ZNF385D: variants seen among roughly 807,000 people sequenced by gnomAD.
ZNF385D encodes zinc finger protein 659.
In ZNF385D, 15 loss-of-function variants were observed where a neutral mutation model predicts 35.8. That is an observed-to-expected ratio of 0.42 (90% CI 0.28 to 0.64). The LOEUF (loss-of-function observed/expected upper bound fraction) is 0.64, where lower values mean the gene tolerates loss of function less well. Among genes scored for constraint, ZNF385D ranks in the 30% least tolerant of loss-of-function variants. The pLI, the probability that ZNF385D is intolerant of heterozygous loss-of-function variation, is 0.23. For synonymous variants in ZNF385D, 212 were observed against 186.8 expected (o/e 1.13, Z -1.10); for missense variants, 474 against 494.6 (o/e 0.96, Z 0.39).
At chr3:21,991,394 T>A (rs2125395811) in intron 3 of ZNF385D, among the ~76,000 whole-genome samples, 1 of 152,350 alleles carries the variant, frequency 6.6e-6, no homozygotes, top group East Asian at 1.9e-4. Flanking sequence ...GCCGTGAATT[T>A]TCTAAGTATA....
intron 3 of ZNF385D, among the ~76,000 whole-genome samples, chr3:21,949,879 C>T (rs1274866900): frequency 6.6e-6 from 1 of 152,114 alleles, no homozygotes; most frequent in African/African-American, 2.4e-5. Context: ...CTGCAAAAGA[C>T]ATGAACTCAT....
intron 1 of ZNF385D, among the ~76,000 whole-genome samples, chr3:21,703,750 G>A (rs1465879703): frequency 6.6e-6 from 1 of 151,606 alleles, no homozygotes; most frequent in Non-Finnish European, 1.5e-5. Flanking sequence ...CCATTATGCT[G>A]GTGAGTTGGC....
chr3:22,120,390 G>T (rs1002834664), intron 3 of ZNF385D, among the ~76,000 whole-genome samples: 6 of 152,000 alleles, frequency 3.9e-5, no homozygotes, highest in Non-Finnish European at 5.9e-5. Context: ...CTTCTTATGA[G>T]GACACCAGTC....
chr3:21,436,246 G>A (rs2125231463), intron 5 of ZNF385D, among the ~76,000 whole-genome samples: 1 of 152,188 alleles, frequency 6.6e-6, no homozygotes, highest in South Asian at 2.1e-4. Flanking sequence ...TATATTGGGA[G>A]AGCATTTTAT....
At chr3:21,667,579 T>C (rs1307835312) in intron 1 of ZNF385D, among the ~76,000 whole-genome samples, 3 of 152,234 alleles carry the variant, frequency 2.0e-5, no homozygotes, top group Non-Finnish European at 2.9e-5. Context: ...TAACATCATG[T>C]AGAGAAAAAG....
intron 1 of ZNF385D, among the ~76,000 whole-genome samples, chr3:21,688,137 C>T (rs1048313778): frequency 6.6e-6 from 1 of 152,042 alleles, no homozygotes; most frequent in Non-Finnish European, 1.5e-5. Flanking sequence ...GGTGCCTCTA[C>T]TGCTTTCTTT....
intron 2 of ZNF385D, among the ~76,000 whole-genome samples, chr3:22,189,032 A>G (rs1001216429): frequency 2.1e-5 from 3 of 144,448 alleles, no homozygotes; most frequent in Middle Eastern, 7.0e-3. Flanking sequence ...TAGCAGAAAA[A>G]CCAGCATTTT....
chr3:21,514,765 A>G (rs1707451908), intron 3 of ZNF385D, among the ~76,000 whole-genome samples: 1 of 152,046 alleles, frequency 6.6e-6, no homozygotes, highest in South Asian at 2.1e-4. Context: ...TCCTGGTTCT[A>G]GAGGCTGTCA....
In ZNF385D at chr3:21,465,911, C is replaced by T. The variant is rs1274751639; in HGVS notation, c.440-28708G>A. The stretch of plus-strand genomic sequence containing the variant: ...CAGGATACAGGAGCTGCCGTGAGCA[C>T]AAATAGAGATGCTCTTCTGCTGCAT... On this transcript the variant is annotated intron_variant, in intron 4 of 7. Coordinates refer to ENST00000281523, the MANE Select transcript of ZNF385D (RefSeq NM_024697.3). This position sits in a 1 kb window ranked among gnomAD's most constrained non-coding sequence, Gnocchi z 4.2. Among the ~76,000 whole-genome samples, 2 of 152,128 alleles carry T rather than the reference C, an allele frequency of 1.3e-5. No individual in the cohort carries two copies. The highest frequency in any genetic ancestry group is 2.4e-5 in the African/African-American group (1 of 41,414).
At chr3:21,772,764 A>C (rs2071130303) in intron 3 of ZNF385D, among the ~76,000 whole-genome samples, 1 of 151,970 alleles carries the variant, frequency 6.6e-6, no homozygotes, top group African/African-American at 2.4e-5. Context: ...ACCTACGTTC[A>C]TAACAGTGTT....
intron 2 of ZNF385D, among the ~76,000 whole-genome samples, chr3:22,207,822 C>T (rs944548816): frequency 6.6e-6 from 1 of 151,738 alleles, no homozygotes; most frequent in Non-Finnish European, 1.5e-5. Context: ...ATACAAATGG[C>T]AAACAGTGCC....
chr3:22,081,018 T>C (rs970466842), intron 3 of ZNF385D, among the ~76,000 whole-genome samples: 8 of 152,212 alleles, frequency 5.3e-5, no homozygotes, highest in Non-Finnish European at 1.2e-4. Context: ...TGTGTATATA[T>C]GTCTATACAC....
At chr3:21,821,176 A>G (rs1353346010) in intron 3 of ZNF385D, among the ~76,000 whole-genome samples, 1 of 152,078 alleles carries the variant, frequency 6.6e-6, no homozygotes, top group African/African-American at 2.4e-5. Flanking sequence ...TTATGAGACA[A>G]GAATAGTAGA....
chr3:21,782,192 T>C (rs947418843), intron 3 of ZNF385D, among the ~76,000 whole-genome samples: 2 of 152,112 alleles, frequency 1.3e-5, no homozygotes, highest in Non-Finnish European at 2.9e-5. Context: ...GTTGTGCCTA[T>C]GTGCCTGTCA....
At chr3:21,689,058 A>G (rs1319516734) in intron 1 of ZNF385D, among the ~76,000 whole-genome samples, 3 of 151,540 alleles carry the variant, frequency 2.0e-5, no homozygotes, top group Non-Finnish European at 2.9e-5. Context: ...TGAGACTTGC[A>G]ATCTGAACAT....
chr3:22,321,480 C>G (rs1694428539), intron 2 of ZNF385D, among the ~76,000 whole-genome samples: 1 of 151,982 alleles, frequency 6.6e-6, no homozygotes, highest in Admixed American at 6.6e-5. Context: ...ATTCTCCTGT[C>G]TCAGCCTCTC....
At chr3:21,599,618 G>A (rs2064223882) in intron 2 of ZNF385D, among the ~76,000 whole-genome samples, 1 of 152,154 alleles carries the variant, frequency 6.6e-6, no homozygotes, top group Admixed American at 6.5e-5. Flanking sequence ...GCCTGGAGAG[G>A]TTATTTCCTT....
chr3:21,598,612 G>A (rs2064192254), intron 2 of ZNF385D, among the ~76,000 whole-genome samples: 1 of 152,052 alleles, frequency 6.6e-6, no homozygotes, highest in Non-Finnish European at 1.5e-5. Context: ...AATATCTGTC[G>A]ACTTGGATAC....
chr3:21,651,923 G>T (rs944938550), intron 2 of ZNF385D, among the ~76,000 whole-genome samples: 1 of 152,158 alleles, frequency 6.6e-6, no homozygotes, highest in Non-Finnish European at 1.5e-5. Flanking sequence ...AAAGGGCAGT[G>T]CTAGGAGGGT....
Sources: allele counts gnomAD v4.1 joint callset (sites outside exome capture counted in the v4.1 genomes callset), GRCh38; gene constraint gnomAD v4.1.1; non-coding constraint Gnocchi (gnomAD v3.1); transcripts MANE v1.5; gene names NCBI Gene and HGNC (gene_info 2026-07-23, HGNC 2026-07-21).